ZNF362: variants seen among roughly 807,000 people sequenced by gnomAD.
ZNF362 encodes the protein zinc finger protein 362, also known as rotund homolog.
In ZNF362, 11 loss-of-function variants were observed where a neutral mutation model predicts 42.9. The observed-to-expected ratio is 0.26, with a 90% CI of 0.16 to 0.42. ZNF362 has a LOEUF of 0.42. Ranked by LOEUF, ZNF362 falls within the 20% of genes least tolerant of loss-of-function variation. The pLI is 1.00. For synonymous variants in ZNF362, 255 were observed against 257.3 expected, an observed-to-expected ratio of 0.99 and a Z score of 0.09; for missense variants, 362 against 576.2, an observed-to-expected ratio of 0.63 and a Z score of 3.81.
the ZNF362 span, among the ~76,000 whole-genome samples, chr1:33,248,400 AC>A: frequency 6.6e-6 from 1 of 152,200 alleles, no homozygotes; most frequent in African/African-American, 2.4e-5. Context: ...CATAGTCTTC[AC>A]CCTCTGGCTA....
the ZNF362 span, among the ~76,000 whole-genome samples, chr1:33,148,693 A>C: frequency 6.6e-6 from 1 of 152,226 alleles, no homozygotes; most frequent in Non-Finnish European, 1.5e-5. Flanking sequence ...TACACACACA[A>C]CACTTGAAAT....
chr1:33,256,966 A>C (rs560711657), intron 1 of ZNF362, among the ~76,000 whole-genome samples: 1 of 152,096 alleles, frequency 6.6e-6, no homozygotes, highest in South Asian at 2.1e-4. Context: ...CGGGCTATTC[A>C]AACCCTGCTG....
chr1:33,203,499 T>TATACAAAA, the ZNF362 span, among the ~76,000 whole-genome samples: 1 of 152,178 alleles, frequency 6.6e-6, no homozygotes, highest in Non-Finnish European at 1.5e-5. Context: ...ACAAGAAGGA[T>TATACAAAA]TGCTGGGTCA....
At chr1:33,147,656 CA>C in the ZNF362 span, 1 of 1,613,946 alleles carries the variant, frequency 6.2e-7, no homozygotes, top group South Asian at 1.1e-5. The surrounding 1 kb of genome is among the most constrained non-coding windows in gnomAD (Gnocchi z 8.1). Flanking sequence ...CCGTAAGCCA[CA>C]ATGGTGCAGT....
chr1:33,133,258 C>T, the ZNF362 span, among the ~76,000 whole-genome samples: 1 of 152,218 alleles, frequency 6.6e-6, no homozygotes, highest in Non-Finnish European at 1.5e-5. Flanking sequence ...ATGGCCTCTG[C>T]GAGGCTTTAT....
the ZNF362 span, chr1:33,181,425 C>T: frequency 6.3e-7 from 1 of 1,595,346 alleles, no homozygotes; most frequent in Admixed American, 1.7e-5. This position sits in a 1 kb window ranked among gnomAD's most constrained non-coding sequence, Gnocchi z 6.5. Flanking sequence ...CTTGAGGCTG[C>T]ACGCCATGGC....
At chr1:33,295,335 CG>C in intron 8 of ZNF362, 30 bp downstream of exon 8, 1 of 1,605,556 alleles carries the variant, frequency 6.2e-7, no homozygotes, top group Non-Finnish European at 8.5e-7. Flanking sequence ...TGCCCTGCCC[CG>C]GGGGAGCCAC....
chr1:33,189,682 TAC>T, the ZNF362 span, among the ~76,000 whole-genome samples: 66,337 of 91,606 alleles, frequency 0.72, 25,719 homozygotes, highest in Non-Finnish European at 0.81. Context: ...TGTATATATA[TAC>T]GTATATATAT....
At chr1:33,205,029 G>C in the ZNF362 span, among the ~76,000 whole-genome samples, 1 of 152,082 alleles carries the variant, frequency 6.6e-6, no homozygotes, top group African/African-American at 2.4e-5. Flanking sequence ...TAAATGGGAA[G>C]ATATACCATG....
rs769065587 is a variant in ZNF362, at chr1:33,295,257, G to A, written c.1098G>A (p.Lys366=). The A allele has an allele frequency of 3.7e-6, 6 of 1,614,228 alleles. No individual in the cohort carries two copies. The highest frequency in any genetic ancestry group is 1.3e-5 in the African/African-American group (1 of 75,058). ...LQIHLSAHAI[K]HAKAYCCSMC... is the part of the protein sequence containing the mutation. The stretch of plus-strand genomic sequence containing the variant: ...TCCACCTCTCGGCCCACGCCATCAA[G>A]CACGCCAAGGCCTACTGCTGCAGCA... The change falls in exon 8 of 9, where the codon AAG becomes AAA. Residue 366 remains lysine (K), a synonymous_variant. Transcript: ENST00000539719.
intron 2 of ZNF362, among the ~76,000 whole-genome samples, chr1:33,274,139 C>T (rs549149280): frequency 9.2e-5 from 14 of 152,160 alleles, no homozygotes; most frequent in African/African-American, 2.7e-4. Context: ...CCGTGTCATC[C>T]TAAGGTAGGG....
the ZNF362 span, among the ~76,000 whole-genome samples, chr1:33,167,489 T>C: frequency 1.3e-5 from 2 of 152,252 alleles, no homozygotes; most frequent in African/African-American, 4.8e-5. The surrounding 1 kb of genome is among the most constrained non-coding windows in gnomAD (Gnocchi z 4.2). Flanking sequence ...GTTGTTCTCC[T>C]GTCTGTCTCT....
the ZNF362 span, among the ~76,000 whole-genome samples, chr1:33,227,516 GC>G: frequency 6.6e-6 from 1 of 152,188 alleles, no homozygotes; most frequent in African/African-American, 2.4e-5. Flanking sequence ...AAGGCCAGGA[GC>G]CAGACGTGTG....
chr1:33,210,251 A>G, the ZNF362 span, among the ~76,000 whole-genome samples: 1 of 152,132 alleles, frequency 6.6e-6, no homozygotes, highest in East Asian at 1.9e-4. Flanking sequence ...GTGTTTCTTA[A>G]TCCTGAGTTC....
chr1:33,184,451 C>T, the ZNF362 span, among the ~76,000 whole-genome samples: 4 of 152,214 alleles, frequency 2.6e-5, no homozygotes, highest in Non-Finnish European at 5.9e-5. Context: ...GCTGTTCTTG[C>T]AGCCGAGTGA....
At chr1:33,241,331 C>T in the ZNF362 span, among the ~76,000 whole-genome samples, 2 of 151,844 alleles carry the variant, frequency 1.3e-5, no homozygotes, top group African/African-American at 4.8e-5. Flanking sequence ...CCCATCTCTA[C>T]TAAAAATACA....
the ZNF362 span, chr1:33,195,196 A>T: frequency 6.6e-6 from 1 of 152,236 alleles, no homozygotes; most frequent in Non-Finnish European, 1.5e-5. Context: ...GCATTTAAGG[A>T]TGAATGCAAA....
the ZNF362 span, among the ~76,000 whole-genome samples, chr1:33,247,124 C>T: frequency 2.0e-5 from 3 of 152,208 alleles, no homozygotes; most frequent in African/African-American, 7.2e-5. Context: ...TCAACCCTTT[C>T]TAGAATTAGT....
intron 8 of ZNF362, among the ~76,000 whole-genome samples, chr1:33,296,060 G>A (rs946027004): frequency 1.3e-5 from 2 of 152,112 alleles, no homozygotes; most frequent in Non-Finnish European, 2.9e-5. Flanking sequence ...TCTATTTTTT[G>A]TCCCCAGGGA....
Sources: allele counts gnomAD v4.1 joint callset (sites outside exome capture counted in the v4.1 genomes callset), GRCh38; gene constraint gnomAD v4.1.1; non-coding constraint Gnocchi (gnomAD v3.1); transcripts MANE v1.5; gene names NCBI Gene and HGNC (gene_info 2026-07-23, HGNC 2026-07-21).